DOCK9: variants seen among roughly 807,000 people sequenced by gnomAD.
DOCK9 encodes the protein dedicator of cytokinesis 9.
A neutral mutation model predicts 263.3 loss-of-function variants in DOCK9; 89 were observed. The observed-to-expected ratio is 0.34, with a 90% confidence interval of 0.28 to 0.40. DOCK9 has a LOEUF of 0.40. DOCK9 is among the 10% of genes least tolerant of loss of function. The pLI is 1.00. For synonymous variants in DOCK9, 976 were observed against 973.1 expected (o/e 1.00, Z -0.06); for missense variants, 2,140 against 2,603.4 (o/e 0.82, Z 3.87).
chr13:99,051,995 C>T (rs542602459), intron 1 of DOCK9, among the ~76,000 whole-genome samples: 2 of 152,114 alleles, frequency 1.3e-5, no homozygotes, highest in African/African-American at 2.4e-5. Context: ...ATAAAGAAGA[C>T]ATGCAATGAG....
At chr13:98,835,688 T>C (rs2092964754) in intron 39 of DOCK9, among the ~76,000 whole-genome samples, 1 of 150,822 alleles carries the variant, frequency 6.6e-6, no homozygotes, top group African/African-American at 2.4e-5. Flanking sequence ...GGAGGCCAGA[T>C]ATTTAGAGAT....
Position 98,888,540 on chromosome 13 carries a change from A to G in DOCK9, c.1797T>C (p.Val599=). Residue 599 remains valine (V), a synonymous_variant, in exon 17 of 53, where the codon GTT becomes GTC. Transcript: ENST00000682017. ...GTTTTGTGGGAATGTATGATGAATT[A>G]ACATAATCTGCAAAGATATTCAAAA... ...DNVSSDFPNY[V]NSSYIPTKQF... The G allele has an allele frequency of 6.2e-7, 1 of 1,613,864 alleles. No individual in the cohort carries two copies. Among genetic ancestry groups the G allele is most frequent in the Non-Finnish European group, 8.5e-7 (1 of 1,179,798 alleles).
At chr13:98,919,945 T>C (rs1274808427) in intron 7 of DOCK9, among the ~76,000 whole-genome samples, 1 of 152,198 alleles carries the variant, frequency 6.6e-6, no homozygotes, top group Non-Finnish European at 1.5e-5. Context: ...ATTTATGCTA[T>C]CCCATGTCCT....
chr13:99,002,344 G>A (rs183464185), intron 1 of DOCK9, among the ~76,000 whole-genome samples: 9 of 152,188 alleles, frequency 5.9e-5, no homozygotes, highest in East Asian at 3.9e-4. Context: ...CTCAGCCCAC[G>A]TGTGCAGCTC....
upstream of DOCK9, among the ~76,000 whole-genome samples, chr13:98,981,825 G>A (rs79609393): frequency 6.6e-6 from 1 of 152,348 alleles, no homozygotes; most frequent in East Asian, 1.9e-4. Context: ...GTGAGGACAT[G>A]AGGATGACAT....
intron 1 of DOCK9, among the ~76,000 whole-genome samples, chr13:98,958,666 G>A (rs189055299): frequency 1.2e-3 from 181 of 152,326 alleles, no homozygotes; most frequent in African/African-American, 4.1e-3. Context: ...GGCACAGCCT[G>A]CTTTAGAGTT....
chr13:98,838,356 A>G (rs1228410389), intron 38 of DOCK9, among the ~76,000 whole-genome samples: 1 of 152,242 alleles, frequency 6.6e-6, no homozygotes, highest in African/African-American at 2.4e-5. Context: ...TGCCTGGCAC[A>G]CATTGAGCGC....
chr13:98,809,263 T>C (rs753352638), intron 47 of DOCK9, 89 bp downstream of exon 47: 17 of 1,289,366 alleles, frequency 1.3e-5, no homozygotes, highest in Non-Finnish European at 1.6e-5. Context: ...ATTTATAAGA[T>C]ATAACTTTAT....
Position 98,989,316 on chromosome 13 carries a change from A to AATGATGATG in DOCK9, c.130-33774_130-33766dup, listed in dbSNP as rs10536129. 2.3e-3 allele frequency among the ~76,000 whole-genome samples: 320 copies of AATGATGATG among 138,148 alleles called. 3 individuals carry two copies. Among genetic ancestry groups the AATGATGATG allele is most frequent in the East Asian group, 1.9e-3 (9 of 4,624 alleles). The allele number at this position is 138,148 out of a possible 152,430, so 90.6% of individuals were successfully genotyped here. Reference sequence around the variant, plus strand: ...TTTTGGGAGCTTGAAAATTAATAATAATGATGATGATGATGATGATGATGA... The same window carrying AATGATGATG: ...TTTTGGGAGCTTGAAAATTAATAATAATGATGATGATGATGATGATGATGATGATGATGA... On this transcript the variant is annotated intron_variant, in intron 1 of 32. Coordinates refer to the DOCK9 transcript ENST00000427887.
In DOCK9 at chr13:98,805,162, A is replaced by G. The variant is rs2140104717; in HGVS notation, c.5562T>C (p.Thr1854=). 1 of 1,607,398 alleles carries G rather than the reference A, an allele frequency of 6.2e-7. No individual in the cohort carries two copies. The highest frequency in any genetic ancestry group is 2.2e-5 in the East Asian group (1 of 44,814). The change falls in exon 49 of 53, where the codon ACT becomes ACC. Residue 1854 remains threonine, a synonymous_variant. Coordinates refer to ENST00000682017, the MANE Select transcript of DOCK9 (RefSeq NM_001366683.2). ...LDSKYAYIQV[T]HVIPFFDEKE... ...TTTCGTCAAAGAAGGGGATGACGTGAGTCACCTGGATGTATGCATACTTAG... is the reference window on the plus strand; with the variant it reads ...TTTCGTCAAAGAAGGGGATGACGTGGGTCACCTGGATGTATGCATACTTAG...
chr13:98,975,316 C>T (rs539283253), intron 1 of DOCK9, among the ~76,000 whole-genome samples: 1 of 149,660 alleles, frequency 6.7e-6, no homozygotes, highest in East Asian at 2.0e-4. Flanking sequence ...GGGCCGAGAT[C>T]GTACCACTGC....
intron 7 of DOCK9, 102 bp downstream of exon 7, chr13:98,920,852 G>T: frequency 9.1e-7 from 1 of 1,102,452 alleles, no homozygotes; most frequent in Non-Finnish European, 1.3e-6. Flanking sequence ...TTTCTACCAT[G>T]CATATTGCCA....
intron 47 of DOCK9, among the ~76,000 whole-genome samples, chr13:98,808,287 T>C (rs1594194179): frequency 6.6e-6 from 1 of 152,172 alleles, no homozygotes; most frequent in Non-Finnish European, 1.5e-5. Context: ...CTTGTATAAA[T>C]TGTATTTTGC....
intron 37 of DOCK9, chr13:98,847,692 A>C (rs1412058886): frequency 6.6e-6 from 1 of 152,240 alleles, no homozygotes; most frequent in Non-Finnish European, 1.5e-5. Flanking sequence ...AAAATTGTCG[A>C]TATATAGAGA....
intron 12 of DOCK9, 111 bp from the exon 13 acceptor site, chr13:98,902,011 C>T (rs185760876): frequency 1.5e-6 from 2 of 1,346,870 alleles, no homozygotes; most frequent in East Asian, 2.5e-5. Flanking sequence ...GTAAAAAGCA[C>T]CCAGTGCCAA....
At chr13:98,989,859 T>C (rs1190070598) in intron 1 of DOCK9, among the ~76,000 whole-genome samples, 1 of 152,134 alleles carries the variant, frequency 6.6e-6, no homozygotes, top group African/African-American at 2.4e-5. Context: ...TTCCCCCTCT[T>C]CCCCCACTCC....
At chr13:98,903,758 G>C (rs972460736) in intron 10 of DOCK9, among the ~76,000 whole-genome samples, 2 of 151,974 alleles carry the variant, frequency 1.3e-5, no homozygotes, top group South Asian at 2.1e-4. Flanking sequence ...AGATTTACAA[G>C]GATATATAAA....
At chr13:99,067,252 A>G (rs959311724) in intron 1 of DOCK9, among the ~76,000 whole-genome samples, 2 of 152,156 alleles carry the variant, frequency 1.3e-5, no homozygotes, top group African/African-American at 4.8e-5. Context: ...TGTTGAGTCA[A>G]TGAATCATGA....
chr13:99,021,505 G>A (rs1489732085), intron 1 of DOCK9, among the ~76,000 whole-genome samples: 1 of 152,062 alleles, frequency 6.6e-6, no homozygotes. Flanking sequence ...CGGGCGTGGT[G>A]GCGGGCGCCT....
Sources: allele counts gnomAD v4.1 joint callset (sites outside exome capture counted in the v4.1 genomes callset), GRCh38; gene constraint gnomAD v4.1.1; transcripts MANE v1.5; gene names NCBI Gene and HGNC (gene_info 2026-07-23, HGNC 2026-07-21).